NFAT5: variants seen among roughly 807,000 people sequenced by gnomAD.
NFAT5 encodes nuclear factor of activated T-cells 5.
A neutral mutation model predicts 166.5 loss-of-function variants in NFAT5; 31 were observed. That is an observed-to-expected ratio of 0.19 (90% CI 0.14 to 0.25). The LOEUF (loss-of-function observed/expected upper bound fraction) is 0.25, where lower values mean the gene tolerates loss of function less well. NFAT5 is among the 10% of genes least tolerant of loss of function. The pLI, the probability that NFAT5 is intolerant of heterozygous loss-of-function variation, is 1.00. For missense variants in NFAT5, 1,449 were observed against 1,821.8 expected (o/e 0.80, Z 3.72); for synonymous variants, 612 against 639.7 (o/e 0.96, Z 0.65).
At chr16:69,638,831 T>C (rs971393029) in intron 3 of NFAT5, among the ~76,000 whole-genome samples, 1 of 152,312 alleles carries the variant, frequency 6.6e-6, no homozygotes, top group Non-Finnish European at 1.5e-5. Context: ...TTGTAGCGTA[T>C]TGAAGTGTCC....
Position 69,566,550 on chromosome 16 carries a change from C to T in NFAT5, c.73+176C>T, listed in dbSNP as rs1383307593. Among the ~76,000 whole-genome samples, 12 of 151,964 alleles carry T rather than the reference C, an allele frequency of 7.9e-5. No homozygotes were observed. On this transcript the variant is annotated intron_variant, in intron 1 of 14. Transcript: ENST00000349945. The surrounding 1 kb of genome is among the most constrained non-coding windows in gnomAD (Gnocchi z 5.7). ...GGGATCGGGGTGACGGTGGAGGGGGCGGGCGGAGCAGTGGCGGCCCCTCCC... is the reference window on the plus strand; with the variant it reads ...GGGATCGGGGTGACGGTGGAGGGGGTGGGCGGAGCAGTGGCGGCCCCTCCC...
intron 11 of NFAT5, among the ~76,000 whole-genome samples, chr16:69,687,059 T>C (rs1363172637): frequency 1.3e-5 from 2 of 152,176 alleles, no homozygotes; most frequent in African/African-American, 2.4e-5. Context: ...AAGATTATTA[T>C]TGAATTAACA....
At chr16:69,604,257 G>A (rs2033287176) in intron 2 of NFAT5, among the ~76,000 whole-genome samples, 1 of 152,192 alleles carries the variant, frequency 6.6e-6, no homozygotes, top group Admixed American at 6.5e-5. Flanking sequence ...TTGGTTGGGT[G>A]AGATTTGCTG....
chr16:69,681,437 G>T (rs2037054362), intron 10 of NFAT5, among the ~76,000 whole-genome samples: 1 of 152,184 alleles, frequency 6.6e-6, no homozygotes, highest in South Asian at 2.1e-4. Flanking sequence ...TTTGAATTTA[G>T]AATTTTCAAA....
chr16:69,684,502 G>T (rs533237953), intron 10 of NFAT5, among the ~76,000 whole-genome samples: 1 of 152,128 alleles, frequency 6.6e-6, no homozygotes, highest in Non-Finnish European at 1.5e-5. Context: ...GGAGGTTGCA[G>T]TGAGCCGAGA....
intron 1 of NFAT5, among the ~76,000 whole-genome samples, chr16:69,568,159 A>G (rs776730149): frequency 5.3e-5 from 8 of 152,100 alleles, no homozygotes; most frequent in Non-Finnish European, 1.2e-4. Context: ...CGTCACTACT[A>G]AAAATACAAA....
At chr16:69,652,250 G>A (rs1373884276) in intron 4 of NFAT5, among the ~76,000 whole-genome samples, 26 of 151,858 alleles carry the variant, frequency 1.7e-4, no homozygotes, top group Admixed American at 1.5e-3. Flanking sequence ...TCAGGAGTTC[G>A]AGACCAGCCT....
At chr16:69,619,320 G>T (rs1160549799) in intron 2 of NFAT5, among the ~76,000 whole-genome samples, 3 of 152,160 alleles carry the variant, frequency 2.0e-5, no homozygotes, top group African/African-American at 7.2e-5. Context: ...CTCTATCCGT[G>T]TATAGCCCTA....
intron 14 of NFAT5, 165 bp downstream of exon 14, chr16:69,695,544 T>G: frequency 1.6e-6 from 1 of 618,124 alleles, no homozygotes; most frequent in Non-Finnish European, 2.8e-6. Context: ...CTTATGGTCA[T>G]ATAGTTAATA....
At chr16:69,629,437 T>C (rs2034608190) in intron 3 of NFAT5, among the ~76,000 whole-genome samples, 1 of 152,090 alleles carries the variant, frequency 6.6e-6, no homozygotes, top group Non-Finnish European at 1.5e-5. Flanking sequence ...CTATCAAGCC[T>C]TTATCTGCTT....
At chr16:69,664,855 C>T (rs1419793284) in intron 7 of NFAT5, among the ~76,000 whole-genome samples, 1 of 151,914 alleles carries the variant, frequency 6.6e-6, no homozygotes. Context: ...TGGAGAAAAC[C>T]CATCTCTGCT....
intron 2 of NFAT5, among the ~76,000 whole-genome samples, chr16:69,587,481 CT>C (rs1326712823): frequency 3.3e-5 from 5 of 151,170 alleles, no homozygotes; most frequent in East Asian, 1.9e-4. Flanking sequence ...CTCCGCCCCC[CT>C]GTGTTCAATC....
Position 69,658,581 on chromosome 16 carries a change from A to G in NFAT5, c.1197-1146A>G, listed in dbSNP as rs1400476235. 2.0e-5 allele frequency among the ~76,000 whole-genome samples: 3 copies of G among 152,122 alleles called. No homozygotes were observed. The East Asian group carries it at 5.8e-4, about 29-fold the overall frequency. On this transcript the variant is annotated intron_variant, in intron 6 of 14. Transcript: ENST00000349945. ...GCCTGGCACAGTGGCTTGTAATCCCAACACTGGGAGGCTGAGGTGGACAGA... is the reference window on the plus strand; with the variant it reads ...GCCTGGCACAGTGGCTTGTAATCCCGACACTGGGAGGCTGAGGTGGACAGA...
chr16:69,575,783 A>G (rs990846179), intron 2 of NFAT5, among the ~76,000 whole-genome samples: 1 of 152,184 alleles, frequency 6.6e-6, no homozygotes, highest in Admixed American at 6.5e-5. Context: ...TTATATGTCA[A>G]GCAGTTTATG....
chr16:69,594,655 C>G (rs946616802), intron 2 of NFAT5, among the ~76,000 whole-genome samples: 2 of 152,104 alleles, frequency 1.3e-5, no homozygotes, highest in Admixed American at 6.6e-5. Context: ...ATGTTTTTTC[C>G]TATACATACA....
intron 10 of NFAT5, among the ~76,000 whole-genome samples, chr16:69,677,606 C>T (rs2036881269): frequency 6.6e-6 from 1 of 152,186 alleles, no homozygotes; most frequent in Non-Finnish European, 1.5e-5. Flanking sequence ...TGACAGGTTA[C>T]TCCTCCATAA....
At chr16:69,580,939 G>C (rs866659125) in intron 2 of NFAT5, among the ~76,000 whole-genome samples, 5 of 152,214 alleles carry the variant, frequency 3.3e-5, no homozygotes, top group Admixed American at 6.5e-5. Flanking sequence ...ACAGGCGTGA[G>C]CTGCCGCACC....
At chr16:69,567,805 T>C (rs2016159053) in intron 1 of NFAT5, among the ~76,000 whole-genome samples, 1 of 152,096 alleles carries the variant, frequency 6.6e-6, no homozygotes, top group South Asian at 2.1e-4. Flanking sequence ...AAGAGACATA[T>C]CAAGAGATGA....
At chr16:69,612,021 T>G (rs1370279831) in intron 2 of NFAT5, among the ~76,000 whole-genome samples, 1 of 152,246 alleles carries the variant, frequency 6.6e-6, no homozygotes, top group East Asian at 1.9e-4. Flanking sequence ...GTCGTTCATT[T>G]TATAGCAGGT....
Sources: allele counts gnomAD v4.1 joint callset (sites outside exome capture counted in the v4.1 genomes callset), GRCh38; gene constraint gnomAD v4.1.1; non-coding constraint Gnocchi (gnomAD v3.1); transcripts MANE v1.5; gene names NCBI Gene and HGNC (gene_info 2026-07-23, HGNC 2026-07-21).